The following CENPC variants were observed in gnomAD, a reference collection of about 807,000 sequenced individuals.
CENPC encodes the protein CENP-C 1.
CENPC carries 63 observed loss-of-function variants against 112.1 expected under a neutral mutation model. The observed-to-expected ratio is 0.56, with a 90% CI of 0.46 to 0.69. The LOEUF (loss-of-function observed/expected upper bound fraction) is 0.69, where lower values mean the gene tolerates loss of function less well. CENPC is among the 30% of genes least tolerant of loss of function. CENPC has a pLI of 0.00. For missense variants in CENPC, 1,000 were observed against 1,103.8 expected (o/e 0.91, Z 1.33); for synonymous variants, 333 against 367.6 (o/e 0.91, Z 1.08).
intron 10 of CENPC, 52 bp from the exon 11 acceptor site, chr4:67,506,986 T>C: frequency 7.0e-7 from 1 of 1,435,572 alleles, no homozygotes; most frequent in South Asian, 1.3e-5. Flanking sequence ...AATAAAATTT[T>C]CTTCCAGAAA....
intron 5 of CENPC, among the ~76,000 whole-genome samples, chr4:67,523,021 G>A (rs1022299439): frequency 1.3e-5 from 2 of 151,818 alleles, no homozygotes; most frequent in Non-Finnish European, 2.9e-5. Context: ...AAATTAAAAG[G>A]AATGAATCAG....
At chr4:67,541,120 T>C (rs1726877991) in intron 2 of CENPC, 70 bp from the exon 3 acceptor site, 2 of 903,862 alleles carry the variant, frequency 2.2e-6, no homozygotes. Context: ...CTTTGAAAAT[T>C]CCACATCTCA....
In CENPC at chr4:67,527,493, C is replaced by CTTT. The variant is rs11317672; in HGVS notation, c.331+3319_331+3321dup. Reference sequence around the variant, plus strand: ...ACAACGCTAGAATTTTCACCCCATCCTTTTTTTTTTTTTTTTTTTTTTTTT... The same window carrying CTTT: ...ACAACGCTAGAATTTTCACCCCATCCTTTTTTTTTTTTTTTTTTTTTTTTTTTT... On this transcript the variant is annotated intron_variant, in intron 5 of 18. Coordinates refer to ENST00000273853, the MANE Select transcript of CENPC (RefSeq NM_001812.4). Among the ~76,000 whole-genome samples the CTTT allele has an allele frequency of 4.4e-3, 301 of 68,124 alleles. 20 individuals are homozygous for CTTT. The highest frequency in any genetic ancestry group is 5.0e-3 in the Non-Finnish European group (194 of 38,996). The allele number at this position is 68,124 out of a possible 152,430, so 44.7% of individuals were successfully genotyped here. A position where few individuals can be genotyped will look rare whatever the true frequency, so the allele number is the denominator to read the frequency against.
At chr4:67,504,682 C>T (rs994558123) in intron 12 of CENPC, among the ~76,000 whole-genome samples, 1 of 151,900 alleles carries the variant, frequency 6.6e-6, no homozygotes, top group Admixed American at 6.6e-5. Context: ...ATTAGCCAGG[C>T]GTGGTGGCAG....
Position 67,506,812 on chromosome 4 carries a change from T to G in CENPC, c.2027A>C (p.His676Pro). ...CCTTTCCTCTAAAACTGAAGTCTTA[T>G]GCTCTCCAGAATCCAAGTTTGACTC... ...PTESNLDSGEHKTSVLEESGP... is the reference protein window; with the variant it reads ...PTESNLDSGEPKTSVLEESGP... The change falls in exon 11 of 19, where the codon CAT (histidine) becomes CCT (proline). Residue 676 changes from histidine to proline, a missense_variant. His to Pro is a moderately conservative substitution (Grantham distance 77). Coordinates refer to ENST00000273853, the MANE Select transcript of CENPC (RefSeq NM_001812.4). The G allele has an allele frequency of 6.2e-7, 1 of 1,607,702 alleles. No individual in the cohort carries two copies. The highest frequency in any genetic ancestry group is 8.5e-7 in the Non-Finnish European group (1 of 1,177,134).
intron 17 of CENPC, among the ~76,000 whole-genome samples, chr4:67,475,325 A>G (rs1287717843): frequency 2.0e-5 from 3 of 152,260 alleles, no homozygotes; most frequent in South Asian, 2.1e-4. Context: ...CCATATGCCA[A>G]GAAACATGAG....
chr4:67,506,985 T>G, intron 10 of CENPC, 51 bp from the exon 11 acceptor site: 1 of 1,440,570 alleles, frequency 6.9e-7, no homozygotes, highest in Non-Finnish European at 9.5e-7. Flanking sequence ...AAATAAAATT[T>G]TCTTCCAGAA....
chr4:67,472,597 T>C lies in CENPC; in HGVS notation c.*8A>G. 1 of 1,495,164 alleles carries C rather than the reference T, an allele frequency of 6.7e-7. No individual in the cohort carries two copies. The highest frequency in any genetic ancestry group is 8.9e-7 in the Non-Finnish European group (1 of 1,128,124). 92.6% of individuals were successfully genotyped at this position (1,495,164 alleles called of 1,614,324 possible). ...TATACATACATATATTTAAGGTTGG[T>C]TGATCTTTCATCTTTTTATCTGAGT... On this transcript the variant is annotated 3_prime_UTR_variant, in exon 19 of 19. Coordinates refer to ENST00000273853, the MANE Select transcript of CENPC (RefSeq NM_001812.4).
intron 12 of CENPC, among the ~76,000 whole-genome samples, chr4:67,497,643 C>T (rs1319467326): frequency 6.6e-6 from 1 of 152,062 alleles, no homozygotes. Context: ...AATGATCCTC[C>T]CGCCTCAGCC....
intron 12 of CENPC, among the ~76,000 whole-genome samples, chr4:67,502,810 C>T (rs1725628234): frequency 6.6e-6 from 1 of 152,130 alleles, no homozygotes; most frequent in African/African-American, 2.4e-5. Context: ...TTCAAGTTCT[C>T]TCTAACGCCT....
intron 1 of CENPC, 50 bp from the exon 2 acceptor site, chr4:67,544,245 T>C (rs1560447642): frequency 9.9e-7 from 1 of 1,014,892 alleles, no homozygotes; most frequent in Non-Finnish European, 1.5e-6. Context: ...TAGAGTCGAG[T>C]AAAATTTATT....
In CENPC at chr4:67,491,509, A is replaced by AGAGAGAGAGG. The variant is rs1553893228; in HGVS notation, c.2515+670_2515+671insCCTCTCTCTC. 1.0e-3 allele frequency among the ~76,000 whole-genome samples: 141 copies of AGAGAGAGAGG among 137,928 alleles called. 2 individuals carry two copies. The highest frequency in any genetic ancestry group is 2.0e-3 in the Non-Finnish European group (127 of 63,482). The allele number at this position is 137,928 out of a possible 152,430, so 90.5% of individuals were successfully genotyped here. ...GAGAGAGAGAGAGAGAGAGAGAGAG[A>AGAGAGAGAGG]GAGAGAGAGAGAGAGAGAGCCTGGT... On this transcript the variant is annotated intron_variant, in intron 16 of 18. Transcript: ENST00000273853.
At chr4:67,518,464 T>C in intron 6 of CENPC, 96 bp from the exon 7 acceptor site, 1 of 1,257,796 alleles carries the variant, frequency 8.0e-7, no homozygotes, top group Non-Finnish European at 1.0e-6. Context: ...TACAGACCAA[T>C]TTAAAATTCT....
At chr4:67,490,316 G>C (rs1220559571) in intron 16 of CENPC, among the ~76,000 whole-genome samples, 195 bp from the exon 17 acceptor site, 1 of 152,012 alleles carries the variant, frequency 6.6e-6, no homozygotes, top group Non-Finnish European at 1.5e-5. Flanking sequence ...ATGACCTTAG[G>C]CAAGTTACTT....
At chr4:67,488,912 T>A (rs1725161747) in intron 17 of CENPC, among the ~76,000 whole-genome samples, 1 of 151,960 alleles carries the variant, frequency 6.6e-6, no homozygotes, top group Non-Finnish European at 1.5e-5. Flanking sequence ...AAATTTGCCC[T>A]TCTTTGTTAA....
chr4:67,505,328 C>T (rs1441526598), intron 11 of CENPC, 44 bp from the exon 12 acceptor site: 8 of 1,125,354 alleles, frequency 7.1e-6, no homozygotes, highest in Middle Eastern at 2.0e-4. Context: ...TTTTATAATA[C>T]ATATATCTAA....
At chr4:67,506,741 A>G (rs1479112645) in intron 11 of CENPC, 47 bp downstream of exon 11, 4 of 1,408,804 alleles carry the variant, frequency 2.8e-6, no homozygotes, top group African/African-American at 1.5e-5. Flanking sequence ...TTATACAGCA[A>G]TGGGTAACTA....
At chr4:67,491,301 G>A (rs1725251152) in intron 16 of CENPC, among the ~76,000 whole-genome samples, 1 of 150,524 alleles carries the variant, frequency 6.6e-6, no homozygotes, top group African/African-American at 2.4e-5. Flanking sequence ...AGCCTCCCAA[G>A]CAGCTGGGAC....
rs558127834 is a variant in CENPC at position 67,502,853 on chromosome 4, A to G, written c.2131+2352T>C. Reference sequence around the variant, plus strand: ...TCTTATACACCACGTATCGTCCATCAGAAAATCCTGTTGACTTTACCCTCA... The same window carrying G: ...TCTTATACACCACGTATCGTCCATCGGAAAATCCTGTTGACTTTACCCTCA... On this transcript the variant is annotated intron_variant, in intron 12 of 18. Coordinates refer to ENST00000273853, the MANE Select transcript of CENPC (RefSeq NM_001812.4). Among the ~76,000 whole-genome samples, 6 of 152,286 alleles carry G rather than the reference A, an allele frequency of 3.9e-5. No homozygotes were observed. The South Asian group carries it at 1.2e-3, about 32-fold the overall frequency.
Sources: gnomAD v4.1 joint callset for allele counts (sites outside exome capture counted in the v4.1 genomes callset) on GRCh38, gnomAD v4.1.1 for gene constraint, MANE v1.5 for transcripts, NCBI Gene and HGNC (gene_info 2026-07-23, HGNC 2026-07-21) for gene names.